TEX11: variants seen among roughly 807,000 people sequenced by gnomAD.
TEX11 encodes the protein testis expressed 11, also known as testis-expressed protein 11.
A neutral mutation model predicts 84.4 loss-of-function variants in TEX11; 7 were observed. The observed-to-expected ratio is 0.08, with a 90% confidence interval of 0.05 to 0.16. The LOEUF is 0.16. Ranked by LOEUF, TEX11 falls within the 10% of genes least tolerant of loss-of-function variation. TEX11 has a pLI of 1.00. For missense variants in TEX11, 551 were observed against 660.5 expected (o/e 0.83, Z 1.82); for synonymous variants, 264 against 222.8 (o/e 1.18, Z -1.64).
intron 10 of TEX11, 98 bp downstream of exon 10, chrX:70,744,067 A>G (rs913630147): frequency 1.3e-5 from 5 of 378,564 alleles, no homozygotes; most frequent in African/African-American, 8.2e-5. Context: ...CCAATAGCTA[A>G]TCTACTCATA....
chrX:70,894,629 A>G (rs1327921096), intron 2 of TEX11, among the ~76,000 whole-genome samples: 2 of 110,584 alleles, frequency 1.8e-5, no homozygotes, highest in Non-Finnish European at 3.8e-5. Flanking sequence ...CGTCTAAAAA[A>G]AAAAAAAAAT....
intron 2 of TEX11, among the ~76,000 whole-genome samples, chrX:70,903,713 CT>C (rs772921517): frequency 9.1e-6 from 1 of 110,489 alleles, no homozygotes; most frequent in Non-Finnish European, 1.9e-5. Flanking sequence ...TCTGAAGACA[CT>C]TTCCGGGGTA....
At chrX:70,638,936 C>G (rs2089609162) in intron 17 of TEX11, among the ~76,000 whole-genome samples, 1 of 110,486 alleles carries the variant, frequency 9.1e-6, no homozygotes. Context: ...GGAACAGCTC[C>G]AGTCTACAGC....
rs2088261302 is a variant in TEX11 at position 70,554,512 on chromosome X, C to A, written c.2290+139G>T. The A allele has an allele frequency of 6.2e-6, 3 of 485,737 alleles. No individual in the cohort carries two copies. In the Admixed American group the frequency reaches 1.4e-4, roughly 22 times the overall value. 40.0% of individuals were successfully genotyped at this position (485,737 alleles called of 1,213,427 possible). On this transcript the variant is annotated intron_variant, in intron 26 of 29. Coordinates refer to ENST00000374333, the MANE Select transcript of TEX11 (RefSeq NM_031276.3). ...ATAATACAAAATAGTCTAAGAATGG[C>A]ATTAGAGAAGGAGAAACAAAGTGCT...
chrX:70,841,729 G>A (rs1195233688), intron 7 of TEX11, among the ~76,000 whole-genome samples: 6 of 111,511 alleles, frequency 5.4e-5, no homozygotes, highest in East Asian at 2.8e-4. Flanking sequence ...TTGATAGACC[G>A]CTAGCAAGAC....
At chrX:70,665,265 A>C in intron 16 of TEX11, among the ~76,000 whole-genome samples, 1 of 111,500 alleles carries the variant, frequency 9.0e-6, no homozygotes, top group African/African-American at 3.3e-5. Flanking sequence ...AAAACAAGTC[A>C]TTATCCATCT....
chrX:70,644,221 G>C (rs1198238066), intron 17 of TEX11, among the ~76,000 whole-genome samples: 6 of 103,217 alleles, frequency 5.8e-5, no homozygotes, highest in African/African-American at 1.8e-4. Context: ...ACCACAATGA[G>C]ATACCATCTC....
intron 9 of TEX11, among the ~76,000 whole-genome samples, chrX:70,768,609 C>A (rs901894937): frequency 9.0e-6 from 1 of 110,936 alleles, no homozygotes; most frequent in Non-Finnish European, 1.9e-5. Context: ...GGGGGAAGAG[C>A]CCCTGATAAA....
chrX:70,898,260 C>G (rs997069763), intron 2 of TEX11, among the ~76,000 whole-genome samples: 4 of 111,345 alleles, frequency 3.6e-5, no homozygotes, highest in African/African-American at 1.3e-4. Flanking sequence ...GTAATAAGTG[C>G]TGTGAGTGGA....
intron 28 of TEX11, among the ~76,000 whole-genome samples, chrX:70,539,898 A>G (rs1042553301): frequency 2.7e-5 from 3 of 111,593 alleles, no homozygotes; most frequent in Admixed American, 1.9e-4. Flanking sequence ...AAAAGAAAGA[A>G]AAAAGCCCCA....
At chrX:70,529,227 A>C in intron 29 of TEX11, 40 bp from the exon 30 acceptor site, 1 of 1,095,256 alleles carries the variant, frequency 9.1e-7, no homozygotes. Context: ...TGAGGGGAAA[A>C]AGAAATGTGG....
chrX:70,817,242 CACAT>C (rs1343921273), intron 8 of TEX11, among the ~76,000 whole-genome samples: 2 of 87,884 alleles, frequency 2.3e-5, no homozygotes, highest in Non-Finnish European at 4.5e-5. Context: ...CACACACACA[CACAT>C]ATATATATAC....
At chrX:70,754,213 T>C (rs2090850989) in intron 9 of TEX11, among the ~76,000 whole-genome samples, 1 of 109,154 alleles carries the variant, frequency 9.2e-6, no homozygotes, top group Admixed American at 9.8e-5. Context: ...AGCCGGGTGC[T>C]GTGAAGGGTG....
At chrX:70,841,608 G>C (rs2091444551) in intron 7 of TEX11, among the ~76,000 whole-genome samples, 1 of 110,540 alleles carries the variant, frequency 9.0e-6, no homozygotes, top group Admixed American at 9.6e-5. Flanking sequence ...AAAGCTAGCA[G>C]AAGGCAAGAA....
At chrX:70,616,186 A>G (rs1486161130) in intron 20 of TEX11, among the ~76,000 whole-genome samples, 2 of 111,794 alleles carry the variant, frequency 1.8e-5, no homozygotes, top group Non-Finnish European at 3.8e-5. Context: ...TAGAAAAACT[A>G]AAAGTAAAAG....
intron 9 of TEX11, among the ~76,000 whole-genome samples, chrX:70,769,312 A>T (rs2090958566): frequency 9.0e-6 from 1 of 111,347 alleles, no homozygotes; most frequent in Admixed American, 9.6e-5. Flanking sequence ...CAAAAAATGG[A>T]CACCTTTAGC....
chrX:70,729,324 C>T (rs894751120), intron 11 of TEX11, among the ~76,000 whole-genome samples: 19 of 112,041 alleles, frequency 1.7e-4, no homozygotes, highest in Admixed American at 1.9e-4. Flanking sequence ...ATGACTTTGA[C>T]GAGTTGAGAG....
chrX:70,808,726 TA>T (rs2147810112), intron 8 of TEX11, among the ~76,000 whole-genome samples: 1 of 109,440 alleles, frequency 9.1e-6, no homozygotes, highest in African/African-American at 3.3e-5. Flanking sequence ...ATTTTATATT[TA>T]AAAAAAGTAA....
intron 17 of TEX11, among the ~76,000 whole-genome samples, chrX:70,632,581 TCAAAAA>T (rs1047659298): frequency 3.6e-5 from 4 of 110,211 alleles, no homozygotes; most frequent in African/African-American, 6.6e-5. Context: ...TGAGACTCTA[TCAAAAA>T]CAAAAACAAA....
Sources: allele counts gnomAD v4.1 joint callset (sites outside exome capture counted in the v4.1 genomes callset), GRCh38; gene constraint gnomAD v4.1.1; transcripts MANE v1.5; gene names NCBI Gene and HGNC (gene_info 2026-07-23, HGNC 2026-07-21).